The following CSNK2A2 variants were observed in gnomAD, a reference collection of about 807,000 sequenced individuals.
The protein encoded by CSNK2A2 is casein kinase II subunit alpha'.
Under a neutral mutation model 54.0 loss-of-function variants are expected in CSNK2A2, and 8 were observed. The observed-to-expected ratio is 0.15, with a 90% CI of 0.09 to 0.27. CSNK2A2 has a LOEUF of 0.27. CSNK2A2 is among the 10% of genes least tolerant of loss of function. CSNK2A2 has a pLI of 1.00. For synonymous variants in CSNK2A2, 141 were observed against 153.9 expected, an observed-to-expected ratio of 0.92 and a Z score of 0.62; for missense variants, 242 against 439.4, an observed-to-expected ratio of 0.55 and a Z score of 4.02.
chr16:58,186,894 T>C (rs1021143101), intron 2 of CSNK2A2, 38 bp from the exon 3 acceptor site: 3 of 1,477,468 alleles, frequency 2.0e-6, no homozygotes, highest in Admixed American at 1.7e-5. Context: ...GAGACTCCTT[T>C]TGAAGTTAAT....
At chr16:58,166,705 A>C (rs1012825206) in intron 8 of CSNK2A2, 21 bp from the exon 9 acceptor site, 4 of 1,564,462 alleles carry the variant, frequency 2.6e-6, no homozygotes, top group South Asian at 1.1e-5. Flanking sequence ...AAACAAACTG[A>C]CCAAATCACT....
rs1961608562 is a variant in CSNK2A2 at position 58,167,772 on chromosome 16, C to G, written c.537G>C (p.Leu179=). The G allele has an allele frequency of 6.2e-7, 1 of 1,613,896 alleles. No homozygotes were observed. The change falls in exon 7 of 12, where the codon CTG becomes CTC. Residue 179 remains leucine, a synonymous_variant. Coordinates refer to ENST00000262506, the MANE Select transcript of CSNK2A2 (RefSeq NM_001896.4). ...QKKLRLIDWG[L]AEFYHPAQEY... ...CCTGAGCAGGATGATAGAATTCTGC[C>G]AGACCCCAATCTATCAGTCGCAGCT...
At chr16:58,184,362 A>T in intron 3 of CSNK2A2, 52 bp from the exon 4 acceptor site, 1 of 1,382,248 alleles carries the variant, frequency 7.2e-7, no homozygotes, top group Non-Finnish European at 1.0e-6. Context: ...TAATCAATGT[A>T]ATCTGCTTCT....
rs772280375 is a variant in CSNK2A2 at position 58,164,117 on chromosome 16, C to T, written c.1007G>A (p.Cys336Tyr). The T allele has an allele frequency of 6.2e-7, 1 of 1,614,014 alleles. No individual in the cohort carries two copies. ...ACTGGAAAGCACAGCATTGTCTGCA[C>T]AAGGCTGGGACTGCTCCTTCACCAC... The part of the protein sequence containing the change: ...YPVVKEQSQP[C>Y]ADNAVLSSGL... The change falls in exon 11 of 12, where the codon TGT (cysteine) becomes TAT (tyrosine). Residue 336 changes from cysteine to tyrosine, a missense_variant. This residue lies in a region of CSNK2A2 where 81 missense variants were observed against 135.0 expected (regional missense o/e 0.60). Coordinates refer to ENST00000262506, the MANE Select transcript of CSNK2A2 (RefSeq NM_001896.4).
rs1962507217 is a variant in CSNK2A2, at chr16:58,197,695, G to C, written c.42C>G (p.Ala14=). Residue 14 remains alanine, a synonymous_variant, in exon 1 of 12, where the codon GCC becomes GCG. Transcript: ENST00000262506. This position sits in a 1 kb window ranked among gnomAD's most constrained non-coding sequence, Gnocchi z 4.0. Reference sequence around the variant, plus strand: ...CGCGGCTCCTCAGACTGTTCACCTCGGCGTAGACCCGGGCCCTGCTGCCCG... The same window carrying C: ...CGCGGCTCCTCAGACTGTTCACCTCCGCGTAGACCCGGGCCCTGCTGCCCG... The part of the protein sequence containing the change: ...PAAGSRARVY[A]EVNSLRSREY... The C allele has an allele frequency of 1.9e-6, 3 of 1,550,316 alleles. No individual in the cohort carries two copies. The highest frequency in any genetic ancestry group is 2.6e-6 in the Non-Finnish European group (3 of 1,151,784).
chr16:58,164,192 G>A, intron 10 of CSNK2A2, 45 bp from the exon 11 acceptor site: 2 of 1,579,544 alleles, frequency 1.3e-6, no homozygotes, highest in Non-Finnish European at 8.7e-7. Context: ...GGTGGTGAGT[G>A]CTGAGAGAAG....
chr16:58,192,409 C>G (rs1962340023), intron 2 of CSNK2A2, among the ~76,000 whole-genome samples: 1 of 150,814 alleles, frequency 6.6e-6, no homozygotes, highest in African/African-American at 2.5e-5. Flanking sequence ...CGAAATCTGC[C>G]AAGTGATCAT....
intron 5 of CSNK2A2, among the ~76,000 whole-genome samples, chr16:58,173,863 T>C (rs1360302520): frequency 6.6e-6 from 1 of 151,890 alleles, no homozygotes; most frequent in East Asian, 2.0e-4. Context: ...TATTAGCAAA[T>C]ATGACACAGG....
At chr16:58,189,094 C>T (rs1199623774) in intron 2 of CSNK2A2, among the ~76,000 whole-genome samples, 2 of 151,586 alleles carry the variant, frequency 1.3e-5, no homozygotes, top group East Asian at 1.9e-4. Flanking sequence ...GTAACTGGGA[C>T]TACAGGTGTG....
chr16:58,175,217 C>A (rs1961846523), intron 4 of CSNK2A2, among the ~76,000 whole-genome samples: 1 of 152,196 alleles, frequency 6.6e-6, no homozygotes, highest in Non-Finnish European at 1.5e-5. Flanking sequence ...CAGAGACCCA[C>A]TCGCTGGGAG....
chr16:58,177,769 A>G (rs1961919262), intron 4 of CSNK2A2, among the ~76,000 whole-genome samples: 1 of 152,232 alleles, frequency 6.6e-6, no homozygotes, highest in Non-Finnish European at 1.5e-5. Context: ...TGTCATGTGT[A>G]GAGAGAAGAA....
At chr16:58,171,975 A>AT (rs1961752832) in intron 5 of CSNK2A2, among the ~76,000 whole-genome samples, 1 of 36,166 alleles carries the variant, frequency 2.8e-5, no homozygotes, top group African/African-American at 1.6e-4. Flanking sequence ...ATATATATAT[A>AT]TATATTTTTT....
intron 2 of CSNK2A2, among the ~76,000 whole-genome samples, chr16:58,193,126 TAA>T (rs1962356718): frequency 1.3e-5 from 2 of 152,228 alleles, no homozygotes; most frequent in Non-Finnish European, 2.9e-5. Flanking sequence ...AAAACTTAGA[TAA>T]ATACCACTAA....
Position 58,178,527 on chromosome 16 carries a change from C to T in CSNK2A2, c.370-4017G>A, listed in dbSNP as rs139275496. 8.2e-3 allele frequency among the ~76,000 whole-genome samples: 1,249 copies of T among 152,256 alleles called. 21 individuals carry two copies. Among genetic ancestry groups the T allele is most frequent in the African/African-American group, 0.029 (1,208 of 41,530 alleles). On this transcript the variant is annotated intron_variant, in intron 4 of 11. Transcript: ENST00000262506. The stretch of plus-strand genomic sequence containing the variant: ...TAACTCCCGACCTCAGGTGATCTGC[C>T]TGCTTCGGCCTCCCAAAATGCTGGG...
intron 5 of CSNK2A2, 42 bp from the exon 6 acceptor site, chr16:58,168,735 T>C (rs753551189): frequency 2.1e-6 from 3 of 1,450,006 alleles, no homozygotes; most frequent in Non-Finnish European, 9.7e-7. Flanking sequence ...GCAACCCCTC[T>C]ACCATCCCCC....
rs1962460109 is a variant in CSNK2A2, at chr16:58,196,642, G to C, written c.216+91C>G. On this transcript the variant is annotated intron_variant, in intron 2 of 11. Transcript: ENST00000262506. ...AATAAATTAAATTAAATTCAAGCTTGCATTGCCCATTATAGAATGTGACTG... is the reference window on the plus strand; with the variant it reads ...AATAAATTAAATTAAATTCAAGCTTCCATTGCCCATTATAGAATGTGACTG... 3.7e-6 allele frequency: 3 copies of C among 806,582 alleles called. No homozygotes were observed. In the African/African-American group the frequency reaches 5.1e-5, roughly 14 times the overall value. 50.0% of individuals were successfully genotyped at this position (806,582 alleles called of 1,614,324 possible).
At chr16:58,163,253 CAAAAAAAAAAAAAAAA>C (rs55808367) in intron 11 of CSNK2A2, 9 of 66,598 alleles carry the variant, frequency 1.4e-4, no homozygotes, top group African/African-American at 6.2e-4. Context: ...ACAAGGCTGC[CAAAAAAAAAAAAAAAA>C]AAAAAAAAGA....
At chr16:58,187,377 A>G (rs1962217369) in intron 2 of CSNK2A2, among the ~76,000 whole-genome samples, 1 of 152,098 alleles carries the variant, frequency 6.6e-6, no homozygotes, top group Non-Finnish European at 1.5e-5. Flanking sequence ...CATTTCCTTA[A>G]TATCTAGAAT....
rs1386782195 is a variant in CSNK2A2 at position 58,164,057 on chromosome 16, T to A, written c.*14A>T. On this transcript the variant is annotated 3_prime_UTR_variant, in exon 11 of 12. Coordinates refer to ENST00000262506, the MANE Select transcript of CSNK2A2 (RefSeq NM_001896.4). ...GCAAGCATCAATGCCGCATTACCCG[T>A]CGCTTTCCAGTCTTCATCGTGCTGC... 4 of 1,611,372 alleles carry A rather than the reference T, an allele frequency of 2.5e-6. No individual in the cohort carries two copies. Among genetic ancestry groups the A allele is most frequent in the African/African-American group, 1.3e-5 (1 of 74,916 alleles).
Sources: gnomAD v4.1 joint callset for allele counts (sites outside exome capture counted in the v4.1 genomes callset) on GRCh38, gnomAD v4.1.1 for gene constraint, gnomAD v4.1.1 regional missense constraint, Gnocchi (gnomAD v3.1) non-coding constraint, MANE v1.5 for transcripts, NCBI Gene and HGNC (gene_info 2026-07-23, HGNC 2026-07-21) for gene names.